LRRC4C: variants seen among roughly 807,000 people sequenced by gnomAD.
LRRC4C encodes leucine rich repeat containing 4C.
LRRC4C carries 5 observed loss-of-function variants against 33.6 expected under a neutral mutation model. The observed-to-expected ratio is 0.15, with a 90% CI of 0.08 to 0.31. The LOEUF is 0.31. Among genes scored for constraint, LRRC4C ranks in the 10% least tolerant of loss-of-function variants. The pLI, the probability that LRRC4C is intolerant of heterozygous loss-of-function variation, is 1.00. For synonymous variants in LRRC4C, 329 were observed against 302.0 expected (o/e 1.09, Z -0.93); for missense variants, 560 against 796.7 (o/e 0.70, Z 3.58).
At chr11:40,203,937 T>G (rs536999620) in intron 5 of LRRC4C, among the ~76,000 whole-genome samples, 1 of 152,270 alleles carries the variant, frequency 6.6e-6, no homozygotes, top group East Asian at 1.9e-4. Context: ...ATTTACTGTT[T>G]TTAGAGATAG....
At chr11:40,760,848 C>G (rs911486096) in intron 2 of LRRC4C, among the ~76,000 whole-genome samples, 1 of 145,448 alleles carries the variant, frequency 6.9e-6, no homozygotes, top group Non-Finnish European at 1.5e-5. Flanking sequence ...TATACACACA[C>G]ATATATGTAT....
At chr11:40,266,733 C>A (rs1355157844) in intron 4 of LRRC4C, among the ~76,000 whole-genome samples, 1 of 152,174 alleles carries the variant, frequency 6.6e-6, no homozygotes, top group African/African-American at 2.4e-5. Context: ...GTTTTATTAA[C>A]TCCATTCAAA....
At chr11:40,303,597 T>C (rs944251353) in intron 4 of LRRC4C, among the ~76,000 whole-genome samples, 3 of 152,216 alleles carry the variant, frequency 2.0e-5, no homozygotes, top group Admixed American at 2.0e-4. Flanking sequence ...TCCTATTAAT[T>C]ACTTGAATTT....
chr11:40,940,914 C>T (rs954522422), intron 1 of LRRC4C, among the ~76,000 whole-genome samples: 12 of 126,008 alleles, frequency 9.5e-5, no homozygotes, highest in African/African-American at 3.1e-4. Context: ...ACAGAGAATT[C>T]GTTACAAAAT....
At chr11:40,782,516 G>T (rs1309620112) in intron 2 of LRRC4C, among the ~76,000 whole-genome samples, 6 of 151,492 alleles carry the variant, frequency 4.0e-5, no homozygotes, top group South Asian at 2.1e-4. Context: ...AAACTGAAAT[G>T]CCCAGTTGAA....
intron 3 of LRRC4C, among the ~76,000 whole-genome samples, chr11:40,463,534 G>A (rs1952510048): frequency 6.6e-6 from 1 of 152,046 alleles, no homozygotes; most frequent in Admixed American, 6.6e-5. Flanking sequence ...TTTCAAGGAT[G>A]AATAGGATCT....
intron 1 of LRRC4C, among the ~76,000 whole-genome samples, chr11:40,993,243 T>C (rs1213562853): frequency 6.6e-6 from 1 of 152,186 alleles, no homozygotes; most frequent in Non-Finnish European, 1.5e-5. Context: ...TGTTCTACTT[T>C]CATTGAACTG....
intron 2 of LRRC4C, among the ~76,000 whole-genome samples, chr11:40,869,580 GTATATGACCTTC>G: frequency 6.6e-6 from 1 of 152,192 alleles, no homozygotes; most frequent in South Asian, 2.1e-4. Flanking sequence ...AGTTTAACTG[GTATATGACCTTC>G]TATGGACATT....
chr11:41,163,239 A>G (rs1195721907), intron 1 of LRRC4C, among the ~76,000 whole-genome samples: 4 of 143,190 alleles, frequency 2.8e-5, no homozygotes, highest in African/African-American at 1.0e-4. Flanking sequence ...GTATGTCTTT[A>G]TTAGCAACAT....
At chr11:40,985,977 ATAAT>A (rs1364599449) in intron 1 of LRRC4C, among the ~76,000 whole-genome samples, 2 of 151,986 alleles carry the variant, frequency 1.3e-5, no homozygotes, top group Middle Eastern at 3.2e-3. Context: ...TTTTATTATA[ATAAT>A]TAATATACGT....
At chr11:40,117,221 A>G (rs930610856) in intron 6 of LRRC4C, among the ~76,000 whole-genome samples, 6 of 152,204 alleles carry the variant, frequency 3.9e-5, no homozygotes, top group Non-Finnish European at 8.8e-5. Context: ...ATTTTTCACA[A>G]TTTCTTTAAA....
intron 3 of LRRC4C, among the ~76,000 whole-genome samples, chr11:40,593,849 A>G (rs1959165589): frequency 6.6e-6 from 1 of 152,200 alleles, no homozygotes; most frequent in South Asian, 2.1e-4. Flanking sequence ...ATCTTGCAAT[A>G]TCCTTTAGAT....
At chr11:40,687,008 C>G (rs1194945776) in intron 2 of LRRC4C, among the ~76,000 whole-genome samples, 5 of 152,082 alleles carry the variant, frequency 3.3e-5, no homozygotes, top group African/African-American at 9.7e-5. Context: ...CGTTAGCTAA[C>G]CGGGCAATTG....
intron 1 of LRRC4C, among the ~76,000 whole-genome samples, chr11:41,214,166 C>G (rs751513505): frequency 4.6e-5 from 7 of 152,248 alleles, no homozygotes; most frequent in Non-Finnish European, 8.8e-5. Flanking sequence ...AGCCACACTT[C>G]CCTCCAAATA....
At chr11:40,926,599 A>G (rs1248218859) in intron 2 of LRRC4C, among the ~76,000 whole-genome samples, 1 of 152,196 alleles carries the variant, frequency 6.6e-6, no homozygotes, top group African/African-American at 2.4e-5. Flanking sequence ...GCTAAAATAG[A>G]AAAGGGTATT....
At chr11:40,965,550 G>A (rs1385976574) in intron 1 of LRRC4C, among the ~76,000 whole-genome samples, 7 of 152,086 alleles carry the variant, frequency 4.6e-5, no homozygotes, top group Admixed American at 4.6e-4. Context: ...TTTGTATAAG[G>A]TGTAAGGAAG....
intron 1 of LRRC4C, among the ~76,000 whole-genome samples, chr11:41,159,009 G>A (rs977925891): frequency 3.8e-4 from 58 of 152,132 alleles, no homozygotes; most frequent in Non-Finnish European, 6.8e-4. Flanking sequence ...AATAGGCCAG[G>A]CATGGTAGCT....
chr11:40,632,934 T>G lies in LRRC4C; in HGVS notation c.-270+15208A>C, dbSNP rs549313504. 7.9e-5 allele frequency among the ~76,000 whole-genome samples: 12 copies of G among 152,366 alleles called. No individual in the cohort carries two copies. The East Asian group carries it at 2.3e-3, about 29-fold the overall frequency. ...GCAGATAAAAGCACAGACTTTAGAA[T>G]GGGAATTTGTTTTAATCCAAACTCA... On this transcript the variant is annotated intron_variant, in intron 3 of 6. Transcript: ENST00000528697.
chr11:41,257,357 C>T (rs1948834642), intron 1 of LRRC4C, among the ~76,000 whole-genome samples: 1 of 151,934 alleles, frequency 6.6e-6, no homozygotes, highest in South Asian at 2.1e-4. Flanking sequence ...TGCAGCCCCA[C>T]CATCAGGCTG....
Sources: gnomAD v4.1 joint callset for allele counts (sites outside exome capture counted in the v4.1 genomes callset) on GRCh38, gnomAD v4.1.1 for gene constraint, MANE v1.5 for transcripts, NCBI Gene and HGNC (gene_info 2026-07-23, HGNC 2026-07-21) for gene names.